The following PLAAT1 variants were observed in gnomAD, a reference collection of about 807,000 sequenced individuals.
PLAAT1 encodes phospholipase A and acyltransferase 1, also known as H-REV107 protein-related protein.
PLAAT1 carries 13 observed loss-of-function variants against 16.4 expected under a neutral mutation model. The observed-to-expected ratio is 0.79, with a 90% CI of 0.52 to 1.26. The LOEUF is 1.26. Ranked by LOEUF, PLAAT1 falls within the 50% of genes most tolerant of loss-of-function variation. PLAAT1 has a pLI of 0.00. For missense variants in PLAAT1, 218 were observed against 207.8 expected, an observed-to-expected ratio of 1.05 and a Z score of -0.30; for synonymous variants, 73 against 78.4, an observed-to-expected ratio of 0.93 and a Z score of 0.36.
intron 3 of PLAAT1, among the ~76,000 whole-genome samples, chr3:193,268,462 C>T (rs1483002903): frequency 6.6e-6 from 1 of 152,150 alleles, no homozygotes; most frequent in Non-Finnish European, 1.5e-5. Flanking sequence ...GGACAGAAAG[C>T]CCTCTAAAGG....
intron 2 of PLAAT1, among the ~76,000 whole-genome samples, chr3:193,277,428 G>A (rs897069935): frequency 2.0e-5 from 3 of 152,140 alleles, no homozygotes; most frequent in Non-Finnish European, 4.4e-5. Context: ...TCCCACGGCT[G>A]CATCCATAGC....
chr3:193,257,034 T>C (rs1028388170), intron 2 of PLAAT1, among the ~76,000 whole-genome samples: 2 of 152,208 alleles, frequency 1.3e-5, no homozygotes, highest in African/African-American at 2.4e-5. Context: ...AGACTCTCTG[T>C]CACACATCTG....
chr3:193,251,452 G>A (rs1329398213), intron 1 of PLAAT1, among the ~76,000 whole-genome samples: 1 of 152,186 alleles, frequency 6.6e-6, no homozygotes, highest in African/African-American at 2.4e-5. Flanking sequence ...GGGAGAGATT[G>A]GAAGCTGGGC....
chr3:193,241,158 C>A, upstream of PLAAT1: 1 of 1,179,368 alleles, frequency 8.5e-7, no homozygotes, highest in Non-Finnish European at 1.1e-6. Context: ...GGGCTCGGGG[C>A]CAAGCGAGGT....
In PLAAT1 at chr3:193,241,300, A is replaced by G. The variant is rs1577294219; in HGVS notation, c.-234A>G. On this transcript the variant is annotated 5_prime_UTR_variant, in exon 1 of 4. Transcript: ENST00000264735. Reference sequence around the variant, plus strand: ...GCCCCCCGGCGTGCGGGCGTCTCAGAGCCGCGGAGGGGCCGCCGGGACCGT... The same window carrying G: ...GCCCCCCGGCGTGCGGGCGTCTCAGGGCCGCGGAGGGGCCGCCGGGACCGT... 1 of 1,230,778 alleles carries G rather than the reference A, an allele frequency of 8.1e-7. No individual in the cohort carries two copies. Among genetic ancestry groups the G allele is most frequent in the East Asian group, 3.2e-5 (1 of 31,624 alleles). 76.2% of individuals were successfully genotyped at this position (1,230,778 alleles called of 1,614,324 possible).
At chr3:193,267,872 A>G (rs1481090206) in intron 3 of PLAAT1, among the ~76,000 whole-genome samples, 1 of 152,128 alleles carries the variant, frequency 6.6e-6, no homozygotes, top group African/African-American at 2.4e-5. Context: ...CCAGCATTTG[A>G]TGTTATCAGT....
downstream of PLAAT1, among the ~76,000 whole-genome samples, chr3:193,272,198 C>T (rs1238704382): frequency 6.6e-6 from 1 of 152,158 alleles, no homozygotes; most frequent in East Asian, 1.9e-4. Context: ...AATCCCAGCA[C>T]TTTGGGAGGC....
downstream of PLAAT1, among the ~76,000 whole-genome samples, chr3:193,272,913 A>G (rs1442658101): frequency 2.6e-5 from 4 of 152,254 alleles, no homozygotes; most frequent in East Asian, 7.7e-4. Flanking sequence ...TGATTATTTG[A>G]TATCATGCTC....
At chr3:193,268,398 T>C (rs775240045) in intron 3 of PLAAT1, among the ~76,000 whole-genome samples, 26 of 152,230 alleles carry the variant, frequency 1.7e-4, no homozygotes, top group Non-Finnish European at 3.5e-4. Flanking sequence ...GTTCAGCTAA[T>C]GTTTCATTAG....
At chr3:193,262,911 G>T in intron 2 of PLAAT1, 59 bp from the exon 3 acceptor site, 1 of 1,544,954 alleles carries the variant, frequency 6.5e-7, no homozygotes, top group Non-Finnish European at 8.9e-7. Context: ...TCTTTAGATG[G>T]CAGTAGAGTT....
intron 2 of PLAAT1, among the ~76,000 whole-genome samples, chr3:193,260,012 A>C (rs1716524932): frequency 6.6e-6 from 1 of 152,226 alleles, no homozygotes; most frequent in African/African-American, 2.4e-5. Context: ...ACAGACACAC[A>C]GACCAAGGGA....
chr3:193,270,958 A>G, downstream of PLAAT1: 1 of 573,678 alleles, frequency 1.7e-6, no homozygotes, highest in South Asian at 7.6e-5. Flanking sequence ...GAAGATCTTA[A>G]CAAAATCTCA....
At chr3:193,253,409 A>G (rs1716263690) in intron 1 of PLAAT1, among the ~76,000 whole-genome samples, 2 of 152,168 alleles carry the variant, frequency 1.3e-5, no homozygotes, top group Non-Finnish European at 2.9e-5. Flanking sequence ...AGCATAAGGA[A>G]CTAAAATCCT....
At chr3:193,276,518 C>G (rs967686854) in intron 2 of PLAAT1, among the ~76,000 whole-genome samples, 1 of 152,192 alleles carries the variant, frequency 6.6e-6, no homozygotes, top group Non-Finnish European at 1.5e-5. Context: ...AGAGTTCATA[C>G]ATGTTTTGCT....
At chr3:193,257,522 C>T (rs1216020970) in intron 2 of PLAAT1, among the ~76,000 whole-genome samples, 2 of 152,052 alleles carry the variant, frequency 1.3e-5, no homozygotes, top group African/African-American at 2.4e-5. Context: ...ACTCTTGAAC[C>T]ACAGTGCAAT....
chr3:193,253,421 C>T (rs1190163698), intron 1 of PLAAT1, among the ~76,000 whole-genome samples: 1 of 152,126 alleles, frequency 6.6e-6, no homozygotes, highest in African/African-American at 2.4e-5. Flanking sequence ...TAAAATCCTA[C>T]ATAAACCATG....
chr3:193,259,354 A>G (rs1482145191), intron 2 of PLAAT1, among the ~76,000 whole-genome samples: 1 of 152,206 alleles, frequency 6.6e-6, no homozygotes, highest in African/African-American at 2.4e-5. Context: ...CCTGTTCAAC[A>G]TAGTACTGGA....
downstream of PLAAT1, among the ~76,000 whole-genome samples, chr3:193,271,750 T>C (rs1381361817): frequency 6.6e-6 from 1 of 152,164 alleles, no homozygotes; most frequent in Non-Finnish European, 1.5e-5. Context: ...AGGGGGTTGA[T>C]ACAGTGAGAA....
chr3:193,270,634 G>C lies in PLAAT1; in HGVS notation c.436G>C (p.Val146Leu). The C allele has an allele frequency of 6.2e-7, 1 of 1,613,612 alleles. No individual in the cohort carries two copies. The highest frequency in any genetic ancestry group is 1.3e-5 in the African/African-American group (1 of 75,046). ...CCGAGCGATAAGTACCGTTGAGTTT[G>C]TGACAGCTGCTGTTGGTGTCTTCTC... ...ANRAISTVEF[V>L]TAAVGVFSFL... The change falls in exon 4 of 4, where the codon GTG (valine) becomes CTG (leucine). Residue 146 changes from valine to leucine, a missense_variant. Transcript: ENST00000264735.
Sources: gnomAD v4.1 joint callset for allele counts (sites outside exome capture counted in the v4.1 genomes callset) on GRCh38, gnomAD v4.1.1 for gene constraint, MANE v1.5 for transcripts, NCBI Gene and HGNC (gene_info 2026-07-23, HGNC 2026-07-21) for gene names.